CXXC5: variants seen among roughly 807,000 people sequenced by gnomAD.
CXXC5 encodes CXXC finger protein 5.
Under a neutral mutation model 17.6 loss-of-function variants are expected in CXXC5, and 2 were observed. That is an observed-to-expected ratio of 0.11 (90% CI 0.05 to 0.36). CXXC5 has a LOEUF of 0.36. Ranked by LOEUF, CXXC5 falls within the 10% of genes least tolerant of loss-of-function variation. The pLI is 1.00. For synonymous variants in CXXC5, 171 were observed against 193.0 expected (o/e 0.89, Z 0.94); for missense variants, 343 against 458.3 (o/e 0.75, Z 2.30).
At chr5:139,682,324 A>ATCCCAGCCCCAG (rs1757282493) in intron 2 of CXXC5, among the ~76,000 whole-genome samples, 1 of 125,518 alleles carries the variant, frequency 8.0e-6, no homozygotes, top group Non-Finnish European at 1.6e-5. Flanking sequence ...CCCTCCCCCA[A>ATCCCAGCCCCAG]CCCCAGCCCC....
intron 1 of CXXC5, among the ~76,000 whole-genome samples, chr5:139,662,438 CA>C (rs200381971): frequency 1.3e-5 from 2 of 149,408 alleles, no homozygotes; most frequent in Non-Finnish European, 3.0e-5. Context: ...CATATGCTGC[CA>C]AAAAAAAAGC....
chr5:139,681,131 A>G lies in CXXC5; in HGVS notation c.608A>G (p.Asn203Ser), dbSNP rs1232473568. ...MEAVAGAEALNGQSDFPYLGA... is the reference protein window; with the variant it reads ...MEAVAGAEALSGQSDFPYLGA... ...GCTGTGGCAGGTGCCGAAGCCCTCA[A>G]TGGCCAGTCCGACTTCCCCTACCTG... Residue 203 changes from asparagine (N) to serine (S), a missense_variant, in exon 2 of 3, where the codon AAT becomes AGT. Asn to Ser is a conservative substitution (Grantham distance 46, BLOSUM62 1). Around this residue, in one of 4 missense-constraint regions of CXXC5, gnomAD observed 297 missense variants for 363.4 expected, o/e 0.82. Coordinates refer to ENST00000302517, the MANE Select transcript of CXXC5 (RefSeq NM_016463.9). 26 of 1,612,834 alleles carry G rather than the reference A, an allele frequency of 1.6e-5. No homozygotes were observed. The highest frequency in any genetic ancestry group is 2.0e-5 in the Non-Finnish European group (24 of 1,179,972).
At position 139,658,271 on chromosome 5, in the gene CXXC5, T is replaced by G. The variant is rs914875213; in HGVS notation, c.-161+9426T>G. On this transcript the variant is annotated intron_variant, in intron 1 of 2. Transcript: ENST00000302517. This position sits in a 1 kb window ranked among gnomAD's most constrained non-coding sequence, Gnocchi z 4.1. ...GAGTCTAGAATCATAGATAGAATGC[T>G]TGGAATGGAGGCATTTTTCAAGTCA... Among the ~76,000 whole-genome samples, 2 of 152,158 alleles carry G rather than the reference T, an allele frequency of 1.3e-5. No homozygotes were observed. The highest frequency in any genetic ancestry group is 6.5e-5 in the Admixed American group (1 of 15,280).
intron 1 of CXXC5, among the ~76,000 whole-genome samples, chr5:139,657,773 G>A (rs1168162524): frequency 6.6e-6 from 1 of 152,206 alleles, no homozygotes; most frequent in Non-Finnish European, 1.5e-5. Flanking sequence ...TGGGAGGTGA[G>A]GGGACTGTGG....
chr5:139,649,429 G>T (rs1244510862), intron 1 of CXXC5: 1 of 152,244 alleles, frequency 6.6e-6, no homozygotes, highest in Non-Finnish European at 1.5e-5. Context: ...GCAGCCCTGT[G>T]TTGAGGGGCG....
Position 139,668,115 on chromosome 5 carries a change from G to A in CXXC5, c.-160-12249G>A, listed in dbSNP as rs1756215809. Among the ~76,000 whole-genome samples, 1 of 152,112 alleles carries A rather than the reference G, an allele frequency of 6.6e-6. No individual in the cohort carries two copies. Among genetic ancestry groups the A allele is most frequent in the African/African-American group, 2.4e-5 (1 of 41,422 alleles). ...CAACCTCAGGTAGGGGGCCTGGCCC[G>A]AGGCAAAAACCTCCCCAAATTTCCC... is the stretch of plus-strand genomic sequence containing the variant. On this transcript the variant is annotated intron_variant, in intron 1 of 2. Coordinates refer to ENST00000302517, the MANE Select transcript of CXXC5 (RefSeq NM_016463.9). The surrounding 1 kb of genome is among the most constrained non-coding windows in gnomAD (Gnocchi z 4.1).
At chr5:139,652,372 C>T (rs1200810279) in intron 1 of CXXC5, among the ~76,000 whole-genome samples, 1 of 152,094 alleles carries the variant, frequency 6.6e-6, no homozygotes, top group Non-Finnish European at 1.5e-5. Flanking sequence ...CCTCACCTCC[C>T]CCCAACGCTG....
upstream of CXXC5, chr5:139,647,775 G>A (rs1754947548): frequency 6.6e-6 from 1 of 152,164 alleles, no homozygotes; most frequent in Non-Finnish European, 1.5e-5. Context: ...AAATGGGAAC[G>A]GGAATCTCCG....
intron 1 of CXXC5, among the ~76,000 whole-genome samples, chr5:139,671,649 C>T (rs1056730201): frequency 6.6e-6 from 1 of 152,234 alleles, no homozygotes; most frequent in African/African-American, 2.4e-5. Context: ...AGCTCTGGCC[C>T]AGCCTGCCCC....
At position 139,658,162 on chromosome 5, in the gene CXXC5, T is replaced by G. The variant is rs1755592314; in HGVS notation, c.-161+9317T>G. Among the ~76,000 whole-genome samples the G allele has an allele frequency of 6.6e-6, 1 of 151,976 alleles. No individual in the cohort carries two copies. Among genetic ancestry groups the G allele is most frequent in the African/African-American group, 2.4e-5 (1 of 41,364 alleles). The stretch of plus-strand genomic sequence containing the variant: ...TAGATGGGAAATTAGTTAACTGGGC[T>G]CATAGCAGTAGGCAGAAGTGGACCT... On this transcript the variant is annotated intron_variant, in intron 1 of 2. Coordinates refer to ENST00000302517, the MANE Select transcript of CXXC5 (RefSeq NM_016463.9). The surrounding 1 kb of genome is among the most constrained non-coding windows in gnomAD (Gnocchi z 4.1).
intron 1 of CXXC5, among the ~76,000 whole-genome samples, chr5:139,669,323 C>T (rs966252476): frequency 2.6e-5 from 4 of 152,182 alleles, no homozygotes; most frequent in Admixed American, 1.3e-4. Context: ...AGCCCTGCAT[C>T]CCCTCCTGCA....
At chr5:139,674,363 C>G (rs1327496287) in intron 1 of CXXC5, among the ~76,000 whole-genome samples, 1 of 152,218 alleles carries the variant, frequency 6.6e-6, no homozygotes, top group Non-Finnish European at 1.5e-5. Flanking sequence ...CACTTGGAGG[C>G]AGGCCAAGGA....
rs942617731 is a variant in CXXC5 at position 139,670,056 on chromosome 5, C to T, written c.-160-10308C>T. Among the ~76,000 whole-genome samples the T allele has an allele frequency of 3.3e-5, 5 of 152,218 alleles. No homozygotes were observed. The highest frequency in any genetic ancestry group is 1.9e-4 in the East Asian group (1 of 5,200). ...ACTGTGGCGGCGGCTCCTCTCCAGG[C>T]GCCCAGCTGTGGCATCTGTCAAGGT... On this transcript the variant is annotated intron_variant, in intron 1 of 2. Transcript: ENST00000302517. This position sits in a 1 kb window ranked among gnomAD's most constrained non-coding sequence, Gnocchi z 4.2.
At chr5:139,653,157 G>A (rs1413431589) in intron 1 of CXXC5, among the ~76,000 whole-genome samples, 1 of 152,190 alleles carries the variant, frequency 6.6e-6, no homozygotes, top group Admixed American at 6.5e-5. Flanking sequence ...CAGTAACTGG[G>A]CAGCCTCCCC....
chr5:139,682,094 A>AG (rs1757268927), intron 2 of CXXC5, among the ~76,000 whole-genome samples: 1 of 152,126 alleles, frequency 6.6e-6, no homozygotes, highest in Admixed American at 6.5e-5. Context: ...GGAGAAGGCA[A>AG]GGGGTTCCCA....
chr5:139,671,701 C>A (rs749019640), intron 1 of CXXC5, among the ~76,000 whole-genome samples: 45 of 152,384 alleles, frequency 3.0e-4, no homozygotes, highest in Non-Finnish European at 5.4e-4. Flanking sequence ...TTTCCAGGGC[C>A]TTGGGGTACA....
At position 139,653,745 on chromosome 5, in the gene CXXC5, C is replaced by T. The variant is rs548282250; in HGVS notation, c.-161+4900C>T. Among the ~76,000 whole-genome samples, 4 of 152,286 alleles carry T rather than the reference C, an allele frequency of 2.6e-5. No individual in the cohort carries two copies. In the South Asian group the frequency reaches 6.2e-4, roughly 24 times the overall value. On this transcript the variant is annotated intron_variant, in intron 1 of 2. Coordinates refer to ENST00000302517, the MANE Select transcript of CXXC5 (RefSeq NM_016463.9). ...GGGTGTCAGTGCCCTGGCCCCGCTC[C>T]AGCCCCTGTAATTGCATTCTGCCGC...
chr5:139,663,730 T>A lies in CXXC5; in HGVS notation c.-161+14885T>A, dbSNP rs989536650. Among the ~76,000 whole-genome samples, 1 of 152,206 alleles carries A rather than the reference T, an allele frequency of 6.6e-6. No individual in the cohort carries two copies. The highest frequency in any genetic ancestry group is 1.5e-5 in the Non-Finnish European group (1 of 68,028). ...GACTTGTCCGTGACGTTCACACTTA[T>A]GCTGGCAGATGTGGACAGTAAAAAC... On this transcript the variant is annotated intron_variant, in intron 1 of 2. Coordinates refer to ENST00000302517, the MANE Select transcript of CXXC5 (RefSeq NM_016463.9). This position sits in a 1 kb window ranked among gnomAD's most constrained non-coding sequence, Gnocchi z 4.2.
At chr5:139,669,788 CAT>C (rs1262897766) in intron 1 of CXXC5, among the ~76,000 whole-genome samples, 5 of 152,188 alleles carry the variant, frequency 3.3e-5, no homozygotes, top group Non-Finnish European at 7.3e-5. Flanking sequence ...GCTTCTCACA[CAT>C]GTAGCCTTAC....
Sources: gnomAD v4.1 joint callset for allele counts (sites outside exome capture counted in the v4.1 genomes callset) on GRCh38, gnomAD v4.1.1 for gene constraint, gnomAD v4.1.1 regional missense constraint, Gnocchi (gnomAD v3.1) non-coding constraint, MANE v1.5 for transcripts, NCBI Gene and HGNC (gene_info 2026-07-23, HGNC 2026-07-21) for gene names.